Variants in C1D observed in about 807,000 individuals in gnomAD.
C1D encodes C1D nuclear receptor corepressor.
C1D carries 10 observed loss-of-function variants against 17.5 expected under a neutral mutation model. The observed-to-expected ratio is 0.57, with a 90% CI of 0.35 to 0.97. The LOEUF (loss-of-function observed/expected upper bound fraction) is 0.97. Among genes scored for constraint, C1D ranks in the 50% least tolerant of loss-of-function variants. The pLI is 0.01. For missense variants in C1D, 136 were observed against 160.1 expected, an observed-to-expected ratio of 0.85 and a Z score of 0.81; for synonymous variants, 49 against 54.0, an observed-to-expected ratio of 0.91 and a Z score of 0.40.
At chr2:68,053,700 C>T (rs1218433609) in intron 1 of C1D, among the ~76,000 whole-genome samples, 1 of 152,222 alleles carries the variant, frequency 6.6e-6, no homozygotes, top group African/African-American at 2.4e-5. Flanking sequence ...TGATGTGGCC[C>T]TTGCTTGTCT....
intron 1 of C1D, among the ~76,000 whole-genome samples, chr2:68,049,161 C>T (rs865847416): frequency 2.7e-5 from 4 of 149,058 alleles, no homozygotes; most frequent in Non-Finnish European, 5.9e-5. Context: ...TGTGCCACTA[C>T]ACTTCAGCCT....
At chr2:68,055,828 C>A (rs1671424029) in intron 1 of C1D, among the ~76,000 whole-genome samples, 2 of 152,124 alleles carry the variant, frequency 1.3e-5, no homozygotes, top group African/African-American at 4.8e-5. Context: ...AGATAAGAAC[C>A]TATGTACATT....
intron 1 of C1D, among the ~76,000 whole-genome samples, chr2:68,050,323 C>T (rs535488568): frequency 6.0e-5 from 9 of 151,156 alleles, no homozygotes; most frequent in Non-Finnish European, 1.2e-4. Context: ...AATTTCTTGA[C>T]TTCATATCAC....
At chr2:68,056,762 G>A (rs1671449640) in intron 1 of C1D, among the ~76,000 whole-genome samples, 1 of 152,128 alleles carries the variant, frequency 6.6e-6, no homozygotes, top group Admixed American at 6.6e-5. Context: ...AAGATTAATA[G>A]TACTAAAATG....
intron 1 of C1D, among the ~76,000 whole-genome samples, chr2:68,056,876 T>G (rs539431324): frequency 6.6e-6 from 1 of 152,224 alleles, no homozygotes; most frequent in South Asian, 2.1e-4. Context: ...AAATCACATA[T>G]GTACACATGC....
At chr2:68,043,078 TA>T in intron 4 of C1D, 25 bp from the exon 5 acceptor site, 2 of 1,537,554 alleles carry the variant, frequency 1.3e-6, no homozygotes, top group South Asian at 2.4e-5. Context: ...ACAAAGGCAA[TA>T]GATTTACTAA....
intron 1 of C1D, among the ~76,000 whole-genome samples, chr2:68,054,638 G>A (rs975228268): frequency 2.0e-5 from 3 of 151,688 alleles, no homozygotes; most frequent in African/African-American, 7.3e-5. Flanking sequence ...AATATCTGGG[G>A]GCTACAGCCA....
chr2:68,050,523 C>A (rs1382688735), intron 1 of C1D, among the ~76,000 whole-genome samples: 1 of 152,138 alleles, frequency 6.6e-6, no homozygotes, highest in Non-Finnish European at 1.5e-5. Context: ...ATGGTCAATT[C>A]TCAGTTCTCC....
chr2:68,056,109 A>G (rs1375972799), intron 1 of C1D, among the ~76,000 whole-genome samples: 1 of 152,186 alleles, frequency 6.6e-6, no homozygotes, highest in Non-Finnish European at 1.5e-5. Context: ...TAGAGTGTCT[A>G]TTTATTTCAA....
chr2:68,055,690 G>A (rs1360495604), intron 1 of C1D, among the ~76,000 whole-genome samples: 2 of 152,092 alleles, frequency 1.3e-5, no homozygotes, highest in East Asian at 3.8e-4. Flanking sequence ...TAGCAATACA[G>A]TTATATAAGA....
chr2:68,056,635 A>T (rs1297578222), intron 1 of C1D, among the ~76,000 whole-genome samples: 3 of 152,230 alleles, frequency 2.0e-5, no homozygotes, highest in Non-Finnish European at 4.4e-5. Flanking sequence ...ACAGTTCACA[A>T]ATAATCCAGA....
intron 1 of C1D, chr2:68,053,180 C>T (rs746146041): frequency 1.3e-6 from 2 of 1,550,258 alleles, no homozygotes; most frequent in Admixed American, 3.9e-5. Flanking sequence ...AGAAAACTTG[C>T]TTCTCTTCAC....
chr2:68,047,417 G>T, intron 1 of C1D, 98 bp from the exon 2 acceptor site: 1 of 833,130 alleles, frequency 1.2e-6, no homozygotes, highest in Non-Finnish European at 1.8e-6. Context: ...GTATTTCAAA[G>T]GCACTAAGAG....
chr2:68,044,568 C>T (rs1671062973), intron 4 of C1D, among the ~76,000 whole-genome samples: 1 of 152,004 alleles, frequency 6.6e-6, no homozygotes, highest in African/African-American at 2.4e-5. Flanking sequence ...ATTAGCTGGG[C>T]GTGGTGGCAG....
At chr2:68,046,088 T>A in intron 3 of C1D, 45 bp from the exon 4 acceptor site, 4 of 1,289,518 alleles carry the variant, frequency 3.1e-6, no homozygotes, top group Non-Finnish European at 4.3e-6. Context: ...AATGTATTAA[T>A]TTAAAACATT....
chr2:68,043,427 G>A (rs1052312956), intron 4 of C1D, among the ~76,000 whole-genome samples: 3 of 152,016 alleles, frequency 2.0e-5, no homozygotes, highest in African/African-American at 4.8e-5. Context: ...GTAAAAAACC[G>A]GAGCTTTCAT....
Position 68,046,418 on chromosome 2 carries a change from AAAAG to A in C1D, c.139-12_139-9del, listed in dbSNP as rs748166945. 87 of 1,602,160 alleles carry A rather than the reference AAAAG, an allele frequency of 5.4e-5. No individual in the cohort carries two copies. Among genetic ancestry groups the A allele is most frequent in the South Asian group, 2.4e-4 (22 of 90,412 alleles). ...TTGTTCAAGTGGATCCAACTGTTAA[AAAAG>A]AAAGAGAGAGGGAAAGAGAGAAAGT... On this transcript the variant is annotated splice_polypyrimidine_tract_variant and intron_variant, in intron 2 of 4. Transcript: ENST00000410067.
intron 1 of C1D, among the ~76,000 whole-genome samples, chr2:68,058,904 T>G (rs1305460784): frequency 6.6e-6 from 1 of 152,152 alleles, no homozygotes; most frequent in Non-Finnish European, 1.5e-5. Context: ...CAAAAGCATC[T>G]TTAAAACAGC....
At chr2:68,053,118 T>A (rs144425836) in intron 1 of C1D, 1 of 1,550,874 alleles carries the variant, frequency 6.4e-7, no homozygotes, top group East Asian at 2.4e-5. Flanking sequence ...CCCTTCCACA[T>A]ACTCCTTCTA....
Sources: allele counts gnomAD v4.1 joint callset (sites outside exome capture counted in the v4.1 genomes callset), GRCh38; gene constraint gnomAD v4.1.1; transcripts MANE v1.5; gene names NCBI Gene and HGNC (gene_info 2026-07-23, HGNC 2026-07-21).